NMT2: variants seen among roughly 807,000 people sequenced by gnomAD.
The protein encoded by NMT2 is glycylpeptide N-tetradecanoyltransferase 2.
NMT2 carries 35 observed loss-of-function variants against 65.4 expected under a neutral mutation model. That is an observed-to-expected ratio of 0.54 (90% CI 0.41 to 0.71). The LOEUF is 0.71. Among genes scored for constraint, NMT2 ranks in the 30% least tolerant of loss-of-function variants. The pLI is 0.00. For missense variants in NMT2, 489 were observed against 611.3 expected (o/e 0.80, Z 2.11); for synonymous variants, 226 against 231.8 (o/e 0.98, Z 0.23).
At chr10:15,112,378 ACCACGAAG>A (rs2131471109) in intron 10 of NMT2, among the ~76,000 whole-genome samples, 1 of 149,668 alleles carries the variant, frequency 6.7e-6, no homozygotes, top group East Asian at 2.0e-4. Context: ...ACAGGCACAC[ACCACGAAG>A]CCTGGCTAAC....
intron 6 of NMT2, among the ~76,000 whole-genome samples, chr10:15,132,192 T>C (rs1034742849): frequency 6.6e-5 from 10 of 152,050 alleles, no homozygotes; most frequent in Admixed American, 5.2e-4. Context: ...CTGATACATA[T>C]ATGTGTGAGC....
intron 9 of NMT2, among the ~76,000 whole-genome samples, chr10:15,117,510 C>A: frequency 6.6e-6 from 1 of 152,228 alleles, no homozygotes; most frequent in East Asian, 1.9e-4. Context: ...ACCTTCCCCA[C>A]TCTTTCTCAA....
At position 15,109,137 on chromosome 10, in the gene NMT2, G is replaced by A; in HGVS notation, c.*58C>T. On this transcript the variant is annotated 3_prime_UTR_variant, in exon 12 of 12. Transcript: ENST00000378165. ...ATTCTTCTTTGGAATGGCAGTTCCA[G>A]AAATCATTAAATATTAACAAATGAT... is the stretch of plus-strand genomic sequence containing the variant. 1 of 1,591,476 alleles carries A rather than the reference G, an allele frequency of 6.3e-7. No homozygotes were observed. The highest frequency in any genetic ancestry group is 8.5e-7 in the Non-Finnish European group (1 of 1,173,144).
At chr10:15,141,067 A>C (rs1233223748) in intron 2 of NMT2, 1 of 1,521,184 alleles carries the variant, frequency 6.6e-7, no homozygotes. Flanking sequence ...GAAAAATTAC[A>C]ATGTGAATAT....
chr10:15,134,789 C>T (rs1191962081), intron 3 of NMT2, among the ~76,000 whole-genome samples: 1 of 151,992 alleles, frequency 6.6e-6, no homozygotes, highest in African/African-American at 2.4e-5. Context: ...GAGACCAGCC[C>T]AAGCAACATA....
rs1231117702 is a variant in NMT2 at position 15,108,927 on chromosome 10, C to T, written c.*268G>A. 3.3e-6 allele frequency: 4 copies of T among 1,218,924 alleles called. No homozygotes were observed. The African/African-American group carries it at 6.4e-5, about 20-fold the overall frequency. 75.5% of individuals were successfully genotyped at this position (1,218,924 alleles called of 1,614,324 possible). ...GGTGAAAAAATACCTCTTCAAGAGA[C>T]AGGCAAAAATTTGAAAATTACAAGA... On this transcript the variant is annotated 3_prime_UTR_variant, in exon 12 of 12. Coordinates refer to ENST00000378165, the MANE Select transcript of NMT2 (RefSeq NM_004808.3).
At chr10:15,157,019 A>C (rs1386090919) in intron 1 of NMT2, among the ~76,000 whole-genome samples, 1 of 152,182 alleles carries the variant, frequency 6.6e-6, no homozygotes, top group African/African-American at 2.4e-5. Context: ...AATACCCCTA[A>C]AGTAGTGAAG....
chr10:15,150,542 G>T (rs1268808796), intron 1 of NMT2, among the ~76,000 whole-genome samples: 1 of 152,102 alleles, frequency 6.6e-6, no homozygotes, highest in Non-Finnish European at 1.5e-5. Flanking sequence ...TACTTAGTGT[G>T]CCCCTTCTCC....
At position 15,138,050 on chromosome 10, in the gene NMT2, G is replaced by A. The variant is rs991203988; in HGVS notation, c.247-2632C>T. On this transcript the variant is annotated intron_variant, in intron 2 of 11. Transcript: ENST00000378165. ...TTTTGAGGCAGAGTCTCACTCTGTC[G>A]CCCAGGCTGGAATGCAATGGCATGA... Among the ~76,000 whole-genome samples the A allele has an allele frequency of 3.5e-4, 48 of 135,818 alleles. 1 individual carries two copies. The highest frequency in any genetic ancestry group is 1.1e-3 in the African/African-American group (40 of 35,794). 89.1% of individuals were successfully genotyped at this position (135,818 alleles called of 152,430 possible). A position where few individuals can be genotyped will look rare whatever the true frequency, so the allele number is the denominator to read the frequency against.
chr10:15,129,933 T>C (rs550793669), intron 7 of NMT2, among the ~76,000 whole-genome samples: 20 of 143,660 alleles, frequency 1.4e-4, no homozygotes, highest in East Asian at 2.0e-4. Flanking sequence ...AAAAAAAGTA[T>C]AGATCCAGCA....
chr10:15,137,232 C>T (rs1334099564), intron 2 of NMT2, among the ~76,000 whole-genome samples: 3 of 152,084 alleles, frequency 2.0e-5, no homozygotes, highest in Admixed American at 1.3e-4. Context: ...CAAACACTGT[C>T]AAGAACCCTA....
chr10:15,138,000 T>C (rs1404608446), intron 2 of NMT2, among the ~76,000 whole-genome samples: 2 of 146,946 alleles, frequency 1.4e-5, no homozygotes, highest in Non-Finnish European at 3.0e-5. Flanking sequence ...TTCTTCTTCT[T>C]CTTCTTTTTT....
At chr10:15,137,356 A>C (rs1846548896) in intron 2 of NMT2, among the ~76,000 whole-genome samples, 1 of 152,120 alleles carries the variant, frequency 6.6e-6, no homozygotes, top group Non-Finnish European at 1.5e-5. Flanking sequence ...TGTTTATCTT[A>C]CATTTGTTTA....
chr10:15,156,828 G>A (rs777967718), intron 1 of NMT2, among the ~76,000 whole-genome samples: 1 of 151,960 alleles, frequency 6.6e-6, no homozygotes, highest in South Asian at 2.1e-4. Flanking sequence ...CCCGGGAGGC[G>A]GAGGTTGCAG....
At position 15,106,563 on chromosome 10, in the gene NMT2, G is replaced by T; in HGVS notation, c.*2632C>A. ...ATCTCCAAGAGAGGTCCTATATTAT[G>T]TACTACTGTGGGGCCCAGTCGCCCT... On this transcript the variant is annotated 3_prime_UTR_variant, in exon 12 of 12. Transcript: ENST00000378165. The T allele has an allele frequency of 2.7e-6, 2 of 728,664 alleles. No individual in the cohort carries two copies. The highest frequency in any genetic ancestry group is 1.9e-5 in the African/African-American group (1 of 52,466). 45.1% of individuals were successfully genotyped at this position (728,664 alleles called of 1,614,324 possible). A position where few individuals can be genotyped will look rare whatever the true frequency, so the allele number is the denominator to read the frequency against.
intron 3 of NMT2, among the ~76,000 whole-genome samples, chr10:15,134,462 A>G (rs1007465975): frequency 1.3e-5 from 2 of 152,064 alleles, no homozygotes; most frequent in African/African-American, 4.8e-5. Flanking sequence ...TACGCATCAC[A>G]CGTCACTTTC....
intron 1 of NMT2, chr10:15,154,814 G>T: frequency 1.3e-6 from 1 of 766,454 alleles, no homozygotes; most frequent in Non-Finnish European, 2.3e-6. Flanking sequence ...GTTGTCCACA[G>T]TCAGCAGTGG....
intron 8 of NMT2, among the ~76,000 whole-genome samples, chr10:15,121,104 C>T (rs527719048): frequency 3.9e-5 from 6 of 152,270 alleles, no homozygotes; most frequent in Admixed American, 6.5e-5. Flanking sequence ...AACAAACAGA[C>T]AATTTTAAAC....
At chr10:15,125,248 G>T (rs1846038580) in intron 8 of NMT2, among the ~76,000 whole-genome samples, 2 of 152,182 alleles carry the variant, frequency 1.3e-5, no homozygotes, top group African/African-American at 4.8e-5. Flanking sequence ...TATGGGTGGG[G>T]GAAAGGCAGT....
Sources: allele counts gnomAD v4.1 joint callset (sites outside exome capture counted in the v4.1 genomes callset), GRCh38; gene constraint gnomAD v4.1.1; transcripts MANE v1.5; gene names NCBI Gene and HGNC (gene_info 2026-07-23, HGNC 2026-07-21).